NRG1: variants seen among roughly 807,000 people sequenced by gnomAD.
NRG1 encodes the protein pro-neuregulin-1, membrane-bound isoform.
NRG1 carries 18 observed loss-of-function variants against 63.8 expected under a neutral mutation model. That is an observed-to-expected ratio of 0.28 (90% CI 0.19 to 0.42). The LOEUF (loss-of-function observed/expected upper bound fraction) is 0.42, where lower values mean the gene tolerates loss of function less well. NRG1 is among the 10% of genes least tolerant of loss of function. The pLI is 1.00. For missense variants in NRG1, 762 were observed against 814.7 expected (o/e 0.94, Z 0.79); for synonymous variants, 302 against 301.3 (o/e 1.00, Z -0.02).
At chr8:32,068,353 G>A (rs1367546922) in intron 1 of NRG1, among the ~76,000 whole-genome samples, 1 of 152,142 alleles carries the variant, frequency 6.6e-6, no homozygotes, top group Admixed American at 6.6e-5. Flanking sequence ...AAGAAACCTG[G>A]ACATGACTTC....
chr8:31,771,472 T>C (rs1818621965), intron 1 of NRG1, among the ~76,000 whole-genome samples: 1 of 152,204 alleles, frequency 6.6e-6, no homozygotes, highest in Admixed American at 6.5e-5. Context: ...TGAAAGTGTA[T>C]CTGTATCATT....
chr8:32,744,167 G>A (rs927484667), intron 7 of NRG1, among the ~76,000 whole-genome samples: 2 of 152,122 alleles, frequency 1.3e-5, no homozygotes, highest in Non-Finnish European at 2.9e-5. Flanking sequence ...GATGCATGCA[G>A]AGAATAAGTT....
intron 1 of NRG1, among the ~76,000 whole-genome samples, chr8:31,854,313 A>T (rs1036124111): frequency 4.6e-5 from 7 of 152,210 alleles, no homozygotes; most frequent in Admixed American, 3.9e-4. Flanking sequence ...CTACTCAGAG[A>T]TTCAACTTCT....
At chr8:32,301,976 G>T (rs932965429) in intron 1 of NRG1, among the ~76,000 whole-genome samples, 6 of 152,288 alleles carry the variant, frequency 3.9e-5, no homozygotes, top group South Asian at 2.1e-4. Flanking sequence ...TGACTGGGGG[G>T]AGTGAATGTA....
chr8:32,096,880 G>T (rs185562002), intron 1 of NRG1, among the ~76,000 whole-genome samples: 6 of 152,206 alleles, frequency 3.9e-5, no homozygotes, highest in Admixed American at 3.9e-4. Context: ...GTGTATAGAG[G>T]CAAACATCCA....
At chr8:32,173,514 C>A (rs1055675766) in intron 1 of NRG1, among the ~76,000 whole-genome samples, 2 of 152,010 alleles carry the variant, frequency 1.3e-5, no homozygotes, top group African/African-American at 2.4e-5. Flanking sequence ...TGTAAATGGG[C>A]TAAATGCTCC....
chr8:31,938,592 G>A (rs888993553), intron 1 of NRG1, among the ~76,000 whole-genome samples: 3 of 152,062 alleles, frequency 2.0e-5, no homozygotes, highest in Non-Finnish European at 4.4e-5. Flanking sequence ...AAAATTGGAA[G>A]GTTGGTTATT....
chr8:32,088,970 C>T (rs75845080), intron 1 of NRG1, among the ~76,000 whole-genome samples: 1,538 of 152,300 alleles, frequency 0.01, 29 homozygotes, highest in South Asian at 0.082. Context: ...AGCTGCACTG[C>T]CTCCCACACA....
chr8:32,457,481 A>T (rs1360091182), intron 1 of NRG1, among the ~76,000 whole-genome samples: 1 of 152,216 alleles, frequency 6.6e-6, no homozygotes, highest in Non-Finnish European at 1.5e-5. Context: ...AATTCAAACA[A>T]TACGAACTAG....
intron 1 of NRG1, among the ~76,000 whole-genome samples, chr8:32,267,811 A>C (rs1851137822): frequency 6.6e-6 from 1 of 152,178 alleles, no homozygotes; most frequent in Non-Finnish European, 1.5e-5. Context: ...TTTATGCACC[A>C]ATTTCATAGA....
chr8:32,669,445 C>T (rs1046263686), intron 5 of NRG1, among the ~76,000 whole-genome samples: 1 of 151,966 alleles, frequency 6.6e-6, no homozygotes, highest in Non-Finnish European at 1.5e-5. Flanking sequence ...TAATGTGGAC[C>T]TCAGAAAAAG....
In NRG1 at chr8:32,021,689, G is replaced by A. The variant is rs545922392; in HGVS notation, c.37+382258G>A. 4.3e-5 allele frequency among the ~76,000 whole-genome samples: 6 copies of A among 140,348 alleles called. No homozygotes were observed. The Admixed American group carries it at 4.5e-4, about 10-fold the overall frequency. 92.1% of individuals were successfully genotyped at this position (140,348 alleles called of 152,430 possible). A position where few individuals can be genotyped will look rare whatever the true frequency, so the allele number is the denominator to read the frequency against. On this transcript the variant is annotated intron_variant, in intron 1 of 10. Transcript: ENST00000519301. ...TTGAGACATAGCACAACACTTAAAA[G>A]CCTTCAGAATCATAAAAAATGTATC...
intron 5 of NRG1, among the ~76,000 whole-genome samples, chr8:32,719,418 T>A (rs1820075056): frequency 6.6e-6 from 1 of 152,036 alleles, no homozygotes; most frequent in South Asian, 2.1e-4. Context: ...CCCTTCTCTC[T>A]TACTATTTTA....
At position 32,107,657 on chromosome 8, in the gene NRG1, A is replaced by T. The variant is rs970844231; in HGVS notation, c.37+468226A>T. Among the ~76,000 whole-genome samples, 22 of 152,330 alleles carry T rather than the reference A, an allele frequency of 1.4e-4. No individual in the cohort carries two copies. In the East Asian group the frequency reaches 3.9e-3, roughly 27 times the overall value. On this transcript the variant is annotated intron_variant, in intron 1 of 10. Coordinates refer to the NRG1 transcript ENST00000519301. ...TTCACATTCAGTGCTATGTTAAAAA[A>T]TTCACAAAGTAACATACTGAAATTC...
At chr8:32,461,774 G>C (rs923243117) in intron 1 of NRG1, among the ~76,000 whole-genome samples, 61 of 152,258 alleles carry the variant, frequency 4.0e-4, no homozygotes, top group African/African-American at 1.4e-3. Context: ...AACCTCCTGT[G>C]CCCTTCCACC....
At chr8:32,173,333 G>A (rs1398410295) in intron 1 of NRG1, among the ~76,000 whole-genome samples, 1 of 152,146 alleles carries the variant, frequency 6.6e-6, no homozygotes, top group Non-Finnish European at 1.5e-5. Flanking sequence ...AAGAGCTCCT[G>A]AAGGAAGCAT....
intron 1 of NRG1, among the ~76,000 whole-genome samples, chr8:32,447,234 A>G (rs886118444): frequency 1.3e-5 from 2 of 151,678 alleles, no homozygotes; most frequent in Admixed American, 1.3e-4. Flanking sequence ...TATGTTGGCC[A>G]GGCTGGTCTT....
chr8:31,684,755 G>A (rs1808709474), intron 1 of NRG1, among the ~76,000 whole-genome samples: 1 of 151,844 alleles, frequency 6.6e-6, no homozygotes, highest in East Asian at 1.9e-4. Context: ...AGCATTTTAA[G>A]TTTTACCAGC....
intron 5 of NRG1, among the ~76,000 whole-genome samples, chr8:32,717,097 A>G (rs1245736960): frequency 6.6e-6 from 1 of 152,082 alleles, no homozygotes; most frequent in African/African-American, 2.4e-5. Flanking sequence ...TTAATTTATC[A>G]TTTTGGCCCT....
Sources: allele counts gnomAD v4.1 joint callset (sites outside exome capture counted in the v4.1 genomes callset), GRCh38; gene constraint gnomAD v4.1.1; transcripts MANE v1.5; gene names NCBI Gene and HGNC (gene_info 2026-07-23, HGNC 2026-07-21).